CHMP1A: variants seen among roughly 807,000 people sequenced by gnomAD.
CHMP1A encodes the protein VPS46 homolog A.
In CHMP1A, 17 loss-of-function variants were observed where a neutral mutation model predicts 27.0. That is an observed-to-expected ratio of 0.63 (90% CI 0.43 to 0.95). The LOEUF (loss-of-function observed/expected upper bound fraction) is 0.95, where lower values mean the gene tolerates loss of function less well. Among genes scored for constraint, CHMP1A ranks in the 40% least tolerant of loss-of-function variants. The pLI is 0.00. For missense variants in CHMP1A, 275 were observed against 264.0 expected, an observed-to-expected ratio of 1.04 and a Z score of -0.29; for synonymous variants, 131 against 107.5, an observed-to-expected ratio of 1.22 and a Z score of -1.35.
chr16:89,646,007 A>G lies in CHMP1A; in HGVS notation c.*59T>C. 1 of 1,610,718 alleles carries G rather than the reference A, an allele frequency of 6.2e-7. No individual in the cohort carries two copies. Among genetic ancestry groups the G allele is most frequent in the Non-Finnish European group, 8.5e-7 (1 of 1,178,936 alleles). ...CACAAAGGCAAGACGCGGTGGGGAG[A>G]GGACAGGAGCCTTCCAGCACATCAC... On this transcript the variant is annotated 3_prime_UTR_variant, in exon 7 of 7. Transcript: ENST00000397901.
rs2059806977 is a variant in CHMP1A at position 89,649,444 on chromosome 16, G to C, written c.159C>G (p.Ile53Met). 4 of 1,613,662 alleles carry C rather than the reference G, an allele frequency of 2.5e-6. No homozygotes were observed. Among genetic ancestry groups the C allele is most frequent in the Admixed American group, 3.3e-5 (2 of 60,008 alleles). Reference sequence around the variant, plus strand: ...AGTTCACACCTTCGTTCTTCTTGCGGATGGCGTTCTCGGCATACACACGGG... The same window carrying C: ...AGTTCACACCTTCGTTCTTCTTGCGCATGGCGTTCTCGGCATACACACGGG... ...ECARVYAENA[I>M]RKKNEGVNWL... The change falls in exon 4 of 7, where the codon ATC (isoleucine) becomes ATG (methionine). Residue 53 changes from isoleucine (I) to methionine (M), a missense_variant. Coordinates refer to ENST00000397901, the MANE Select transcript of CHMP1A (RefSeq NM_002768.5).
At chr16:89,650,916 A>C (rs924154746) in intron 3 of CHMP1A, among the ~76,000 whole-genome samples, 1 of 152,222 alleles carries the variant, frequency 6.6e-6, no homozygotes, top group African/African-American at 2.4e-5. Context: ...CAATGAAGGC[A>C]ATGCACTCAT....
chr16:89,646,474 C>T (rs2059774473), intron 6 of CHMP1A, 53 bp downstream of exon 6: 1 of 1,490,780 alleles, frequency 6.7e-7, no homozygotes, highest in South Asian at 1.3e-5. Flanking sequence ...TCTCCCTTCC[C>T]ACAGCACCAG....
At position 89,649,288 on chromosome 16, in the gene CHMP1A, C is replaced by T. The variant is rs2303773; in HGVS notation, c.252+63G>A. 0.019 allele frequency: 30,771 copies of T among 1,584,834 alleles called. 5,551 individuals carry two copies. The East Asian group carries it at 0.49, about 25-fold the overall frequency. ...TCTGAGCTGCCCCAGATCCAGACCG[C>T]AGAGCCCATTCCTGCTTCAGCCAGC... On this transcript the variant is annotated intron_variant, in intron 4 of 6. Transcript: ENST00000397901.
chr16:89,645,518 CCA>C lies in CHMP1A; in HGVS notation c.*546_*547del, dbSNP rs1414497931. 5.9e-6 allele frequency: 1 copy of C among 168,868 alleles called. No individual in the cohort carries two copies. The highest frequency in any genetic ancestry group is 1.3e-5 in the Non-Finnish European group (1 of 77,668). The allele number at this position is 168,868 out of a possible 1,614,324, so 10.5% of individuals were successfully genotyped here. On this transcript the variant is annotated 3_prime_UTR_variant, in exon 7 of 7. Coordinates refer to ENST00000397901, the MANE Select transcript of CHMP1A (RefSeq NM_002768.5). The stretch of plus-strand genomic sequence containing the variant: ...CCAGCTGGTAGGGGCGGCCGAGACA[CCA>C]CCCCTGGAGTGATGGAGGAGGAGGA...
rs2059783157 is a variant in CHMP1A, at chr16:89,647,332, C to G, written c.253-1G>C. On this transcript the variant is annotated splice_acceptor_variant, in intron 4 of 6. Transcript: ENST00000397901. LOFTEE classifies it high-confidence loss of function. ...TCACCTGGGCCATATTCTTGGTCAC[C>G]TGAGACAGGAGAGAGCGCAGGAGGG... The G allele has an allele frequency of 6.2e-7, 1 of 1,607,928 alleles. No individual in the cohort carries two copies.
intron 2 of CHMP1A, 59 bp from the exon 3 acceptor site, chr16:89,651,705 C>G: frequency 2.0e-6 from 3 of 1,538,148 alleles, no homozygotes; most frequent in South Asian, 2.3e-5. Context: ...CCAGGCCCGG[C>G]TCTCCACACC....
intron 2 of CHMP1A, among the ~76,000 whole-genome samples, chr16:89,653,448 G>GT (rs1453968843): frequency 6.7e-6 from 1 of 149,924 alleles, no homozygotes; most frequent in African/African-American, 2.4e-5. Flanking sequence ...GTGAAACCCC[G>GT]TCTCTATTAA....
intron 1 of CHMP1A, among the ~76,000 whole-genome samples, chr16:89,656,660 G>A (rs941047374): frequency 3.3e-5 from 5 of 152,206 alleles, no homozygotes; most frequent in Non-Finnish European, 5.9e-5. Context: ...GAGAATGGAC[G>A]CAAAGAGCTG....
intron 4 of CHMP1A, among the ~76,000 whole-genome samples, chr16:89,648,997 C>A (rs1486197913): frequency 6.6e-6 from 1 of 151,766 alleles, no homozygotes; most frequent in African/African-American, 2.4e-5. Flanking sequence ...TGCACTCCAG[C>A]CTGGGTGACA....
intron 4 of CHMP1A, chr16:89,649,135 CA>C: frequency 5.7e-6 from 2 of 348,284 alleles, no homozygotes; most frequent in African/African-American, 4.1e-5. Context: ...CAGCATTTCC[CA>C]CCCCACGCTG....
Position 89,657,671 on chromosome 16 carries a change from C to G in CHMP1A, c.-83G>C. ...TGTCAGGTCCCGGCGGCGATCGAACCGACCAAGCTGCACCCGGCGGGGACT... is the reference window on the plus strand; with the variant it reads ...TGTCAGGTCCCGGCGGCGATCGAACGGACCAAGCTGCACCCGGCGGGGACT... On this transcript the variant is annotated 5_prime_UTR_variant, in exon 1 of 7. Transcript: ENST00000397901. 1.3e-6 allele frequency: 2 copies of G among 1,565,278 alleles called. No homozygotes were observed. Among genetic ancestry groups the G allele is most frequent in the Non-Finnish European group, 1.7e-6 (2 of 1,145,618 alleles).
intron 1 of CHMP1A, among the ~76,000 whole-genome samples, chr16:89,655,363 T>TCTCAGCTTTCCCTCAC (rs55726612): frequency 0.23 from 27,333 of 119,840 alleles, 4,288 homozygotes; most frequent in African/African-American, 0.28. Flanking sequence ...GCCCTCCTCA[T>TCTCAGCTTTCCCTCAC]CTCAGCTTTC....
chr16:89,649,865 C>T (rs1194784524), intron 3 of CHMP1A, among the ~76,000 whole-genome samples: 2 of 152,134 alleles, frequency 1.3e-5, no homozygotes, highest in Non-Finnish European at 2.9e-5. Context: ...CGTGAGCCAC[C>T]GCGCCCGGCC....
At chr16:89,650,716 G>C (rs1290424258) in intron 3 of CHMP1A, among the ~76,000 whole-genome samples, 7 of 151,810 alleles carry the variant, frequency 4.6e-5, no homozygotes, top group African/African-American at 1.5e-4. Context: ...TGAGGCAGGA[G>C]AATCACTCGA....
chr16:89,657,544 C>T (rs764222059), intron 1 of CHMP1A, 38 bp downstream of exon 1: 7 of 1,608,762 alleles, frequency 4.4e-6, no homozygotes, highest in African/African-American at 1.3e-5. Flanking sequence ...GGCCCCGCCC[C>T]GCGCGCGAGT....
intron 1 of CHMP1A, 106 bp downstream of exon 1, chr16:89,657,476 C>T (rs2059893965): frequency 1.4e-6 from 2 of 1,430,050 alleles, no homozygotes; most frequent in Non-Finnish European, 1.9e-6. Context: ...GAGGCCCGAG[C>T]TCTCCTGAGT....
intron 1 of CHMP1A, among the ~76,000 whole-genome samples, chr16:89,655,045 G>T (rs1003916465): frequency 1.3e-5 from 2 of 152,148 alleles, no homozygotes; most frequent in African/African-American, 4.8e-5. Context: ...TCCTGAAAGG[G>T]CTTTACCACA....
intron 1 of CHMP1A, 102 bp downstream of exon 1, chr16:89,657,480 C>T (rs2059894053): frequency 4.7e-6 from 7 of 1,482,774 alleles, no homozygotes; most frequent in Non-Finnish European, 6.5e-6. Context: ...CCCGAGCTCT[C>T]CTGAGTCCTG....
Sources: allele counts gnomAD v4.1 joint callset (sites outside exome capture counted in the v4.1 genomes callset), GRCh38; gene constraint gnomAD v4.1.1; transcripts MANE v1.5; gene names NCBI Gene and HGNC (gene_info 2026-07-23, HGNC 2026-07-21).